Variants in DENND6B observed in about 807,000 individuals in gnomAD.
DENND6B encodes the protein protein DENND6B.
In DENND6B, 73 loss-of-function variants were observed where a neutral mutation model predicts 85.1. That is an observed-to-expected ratio of 0.86 (90% confidence interval 0.71 to 1.04). The LOEUF is 1.04. Among genes scored for constraint, DENND6B ranks in the 50% least tolerant of loss-of-function variants. The probability of loss-of-function intolerance (pLI) is 0.00; values close to 1 mark genes in which losing one functional copy is unlikely to be tolerated. For synonymous variants in DENND6B, 357 were observed against 329.3 expected, an observed-to-expected ratio of 1.08 and a Z score of -0.91; for missense variants, 715 against 785.8, an observed-to-expected ratio of 0.91 and a Z score of 1.08.
At position 50,313,908 on chromosome 22, in the gene DENND6B, C is replaced by G. The variant is rs546535683; in HGVS notation, c.1139-30G>C. Reference sequence around the variant, plus strand: ...CGGGAGGGCACAGCTGGCGCCCCACCCTTCAAGGGCCTCCCTCCCACACTC... The same window carrying G: ...CGGGAGGGCACAGCTGGCGCCCCACGCTTCAAGGGCCTCCCTCCCACACTC... On this transcript the variant is annotated intron_variant, in intron 13 of 19. Coordinates refer to ENST00000413817, the MANE Select transcript of DENND6B (RefSeq NM_001001794.4). 75 of 1,582,536 alleles carry G rather than the reference C, an allele frequency of 4.7e-5. No individual in the cohort carries two copies. In the South Asian group the frequency reaches 8.4e-4, roughly 18 times the overall value.
intron 2 of DENND6B, 34 bp downstream of exon 2, chr22:50,318,931 G>A: frequency 1.2e-6 from 2 of 1,610,424 alleles, no homozygotes; most frequent in Non-Finnish European, 1.7e-6. Context: ...CCCACTCCTG[G>A]GTCCTGTCCA....
intron 1 of DENND6B, among the ~76,000 whole-genome samples, chr22:50,326,569 G>GTACCA (rs2042195019): frequency 6.6e-6 from 1 of 152,246 alleles, no homozygotes; most frequent in Non-Finnish European, 1.5e-5. Flanking sequence ...AATCGAAAGA[G>GTACCA]TACCACTTAG....
At position 50,316,458 on chromosome 22, in the gene DENND6B, G is replaced by C. The variant is rs555095698; in HGVS notation, c.471C>G (p.Ser157=). Residue 157 remains serine, a synonymous_variant, in exon 6 of 20, where the codon TCC becomes TCG. Coordinates refer to ENST00000413817, the MANE Select transcript of DENND6B (RefSeq NM_001001794.4). ...GGAACAGCCGGACAAAGGGCAAGCGGGACACCAGCACCAAAGACTGCAGGG... is the reference window on the plus strand; with the variant it reads ...GGAACAGCCGGACAAAGGGCAAGCGCGACACCAGCACCAAAGACTGCAGGG... ...GYFQKSLVLV[S]RLPFVRLFQA... is the part of the protein sequence containing the mutation. The C allele has an allele frequency of 2.9e-5, 46 of 1,582,712 alleles. No individual in the cohort carries two copies. In the South Asian group the frequency reaches 4.5e-4, roughly 15 times the overall value.
In DENND6B at chr22:50,326,945, C is replaced by T; in HGVS notation, c.44G>A (p.Cys15Tyr). The part of the protein sequence containing the change: ...LGTGPRRARG[C>Y]LGAAGPTSSG... The stretch of plus-strand genomic sequence containing the variant: ...AGACGTGGGTCCAGCCGCGCCCAGG[C>T]AGCCGCGAGCCCGGCGAGGCCCTGT... Residue 15 changes from cysteine (C) to tyrosine (Y), a missense_variant, in exon 1 of 20, where the codon TGC becomes TAC. Coordinates refer to ENST00000413817, the MANE Select transcript of DENND6B (RefSeq NM_001001794.4). 1 of 1,286,086 alleles carries T rather than the reference C, an allele frequency of 7.8e-7. No individual in the cohort carries two copies. The highest frequency in any genetic ancestry group is 9.8e-7 in the Non-Finnish European group (1 of 1,022,234). 79.7% of individuals were successfully genotyped at this position (1,286,086 alleles called of 1,614,324 possible). A position where few individuals can be genotyped will look rare whatever the true frequency, so the allele number is the denominator to read the frequency against.
chr22:50,317,758 TG>T, intron 4 of DENND6B, 149 bp downstream of exon 4: 1 of 769,194 alleles, frequency 1.3e-6, no homozygotes, highest in Non-Finnish European at 2.0e-6. Context: ...GGCTGGTGCC[TG>T]GGACTGCAGG....
rs778185525 is a variant in DENND6B, at chr22:50,312,387, C to T, written c.1591G>A (p.Glu531Lys). 7.4e-6 allele frequency: 12 copies of T among 1,611,768 alleles called. No individual in the cohort carries two copies. Among genetic ancestry groups the T allele is most frequent in the Middle Eastern group, 1.6e-4 (1 of 6,062 alleles). ...AGGACCAGGTCCACGACCTCCACCT[C>T]GGACTTGTCTTTCATCCAGGTCTCG... ...NIETWMKDKS[E>K]VEVVDLVLKL... Residue 531 changes from glutamate to lysine, a missense_variant, in exon 19 of 20, where the codon GAG (glutamate) becomes AAG (lysine). Glu to Lys is a moderately conservative substitution (Grantham distance 56). Transcript: ENST00000413817.
At chr22:50,322,289 T>C (rs765352369) in intron 1 of DENND6B, among the ~76,000 whole-genome samples, 19 of 152,256 alleles carry the variant, frequency 1.2e-4, no homozygotes, top group Non-Finnish European at 2.1e-4. Context: ...TTAGCCAGGA[T>C]GGTCTTGATC....
intron 1 of DENND6B, among the ~76,000 whole-genome samples, chr22:50,322,955 A>G (rs1352902189): frequency 7.2e-6 from 1 of 139,152 alleles, no homozygotes; most frequent in Admixed American, 7.6e-5. Context: ...GGTTCACACC[A>G]TTCTCCTGAC....
intron 1 of DENND6B, among the ~76,000 whole-genome samples, chr22:50,321,612 T>C (rs562716795): frequency 1.6e-4 from 24 of 152,284 alleles, no homozygotes; most frequent in African/African-American, 5.8e-4. Context: ...TCCACCCGCC[T>C]TGGCCTCCCA....
At chr22:50,324,574 G>A (rs1415361314) in intron 1 of DENND6B, among the ~76,000 whole-genome samples, 3 of 152,142 alleles carry the variant, frequency 2.0e-5, no homozygotes, top group Non-Finnish European at 2.9e-5. Flanking sequence ...ACAGGCGTGC[G>A]CCACCACGCC....
chr22:50,312,372 C>G lies in DENND6B; in HGVS notation c.1606G>C (p.Asp536His). The change falls in exon 19 of 20, where the codon GAC becomes CAC. Residue 536 changes from aspartate (D) to histidine (H), a missense_variant. Physicochemically the swap from Asp to His is moderately conservative, Grantham distance 81 (BLOSUM62 -1). Coordinates refer to ENST00000413817, the MANE Select transcript of DENND6B (RefSeq NM_001001794.4). ...TTCTCACGAAGTTTCAGGACCAGGT[C>G]CACGACCTCCACCTCGGACTTGTCT... Reference protein sequence around the residue: ...MKDKSEVEVVDLVLKLREKLV... With the variant: ...MKDKSEVEVVHLVLKLREKLV... The G allele has an allele frequency of 6.2e-7, 1 of 1,611,896 alleles. No individual in the cohort carries two copies. Among genetic ancestry groups the G allele is most frequent in the Non-Finnish European group, 8.5e-7 (1 of 1,179,438 alleles).
chr22:50,320,217 A>AT (rs1360165629), intron 1 of DENND6B, among the ~76,000 whole-genome samples: 9 of 152,218 alleles, frequency 5.9e-5, no homozygotes, highest in African/African-American at 1.9e-4. Flanking sequence ...GGATGAAAGC[A>AT]TCTGCCATTT....
chr22:50,311,924 G>C lies in DENND6B; in HGVS notation c.*215C>G. On this transcript the variant is annotated 3_prime_UTR_variant, in exon 20 of 20. Coordinates refer to ENST00000413817, the MANE Select transcript of DENND6B (RefSeq NM_001001794.4). The stretch of plus-strand genomic sequence containing the variant: ...CCAGGTGGGACCCAGGAGGAGGCAA[G>C]GCTCTGCCTGCGAGGAACCCCTATG... 1.3e-6 allele frequency: 1 copy of C among 799,734 alleles called. No homozygotes were observed. Among genetic ancestry groups the C allele is most frequent in the Non-Finnish European group, 1.9e-6 (1 of 525,640 alleles). The allele number at this position is 799,734 out of a possible 1,614,324, so 49.5% of individuals were successfully genotyped here.
At position 50,312,357 on chromosome 22, in the gene DENND6B, G is replaced by C. The variant is rs369110676; in HGVS notation, c.1621C>G (p.Leu541Val). 1.3e-5 allele frequency: 21 copies of C among 1,611,756 alleles called. No individual in the cohort carries two copies. Among genetic ancestry groups the C allele is most frequent in the Non-Finnish European group, 1.8e-5 (21 of 1,179,460 alleles). ...AGGCATCTTACCAGCTTCTCACGAA[G>C]TTTCAGGACCAGGTCCACGACCTCC... ...EVEVVDLVLK[L>V]REKLVRAQGH... Residue 541 changes from leucine (L) to valine (V), a missense_variant, in exon 19 of 20, where the codon CTT becomes GTT. Transcript: ENST00000413817.
At position 50,314,696 on chromosome 22, in the gene DENND6B, G is replaced by A; in HGVS notation, c.886C>T (p.Leu296=). ...TCGCAGCAGAACCTGAGGGGCTGCAGGCAGCTGTGGGCAGAGGCAGCAGGG... is the reference window on the plus strand; with the variant it reads ...TCGCAGCAGAACCTGAGGGGCTGCAAGCAGCTGTGGGCAGAGGCAGCAGGG... ...SEMVLALTSC[L]QPLRFCCDFR... is the part of the protein sequence containing the mutation. The change falls in exon 11 of 20, where the codon CTG becomes TTG. Residue 296 remains leucine (L), a synonymous_variant. Transcript: ENST00000413817. 6.4e-7 allele frequency: 1 copy of A among 1,565,412 alleles called. No homozygotes were observed. Among genetic ancestry groups the A allele is most frequent in the South Asian group, 1.2e-5 (1 of 85,236 alleles).
chr22:50,313,970 T>A, intron 13 of DENND6B, 92 bp from the exon 14 acceptor site: 1 of 1,448,062 alleles, frequency 6.9e-7, no homozygotes, highest in South Asian at 1.4e-5. Context: ...GGGGGTCTCA[T>A]CTGCCTGCAG....
Position 50,312,433 on chromosome 22 carries a change from G to A in DENND6B, c.1561-16C>T. The A allele has an allele frequency of 6.2e-7, 1 of 1,607,726 alleles. No individual in the cohort carries two copies. The highest frequency in any genetic ancestry group is 8.5e-7 in the Non-Finnish European group (1 of 1,177,606). ...TCTCGATGTTCTGCAGGGCAAGACG[G>A]GGTCTACTGTCAGCAAGGCCCCTCA... On this transcript the variant is annotated splice_polypyrimidine_tract_variant and intron_variant, in intron 18 of 19. Coordinates refer to ENST00000413817, the MANE Select transcript of DENND6B (RefSeq NM_001001794.4).
At chr22:50,324,260 G>A (rs959165119) in intron 1 of DENND6B, among the ~76,000 whole-genome samples, 1 of 152,188 alleles carries the variant, frequency 6.6e-6, no homozygotes, top group Non-Finnish European at 1.5e-5. Flanking sequence ...GGTATCCTGT[G>A]AGGGCTAAGG....
At chr22:50,321,292 C>T (rs2042034881) in intron 1 of DENND6B, among the ~76,000 whole-genome samples, 1 of 152,224 alleles carries the variant, frequency 6.6e-6, no homozygotes, top group African/African-American at 2.4e-5. Context: ...GCGGTGTGTC[C>T]TGTCCTAGAG....
Sources: allele counts gnomAD v4.1 joint callset (sites outside exome capture counted in the v4.1 genomes callset), GRCh38; gene constraint gnomAD v4.1.1; transcripts MANE v1.5; gene names NCBI Gene and HGNC (gene_info 2026-07-23, HGNC 2026-07-21).